The following UNC79 variants were observed in gnomAD, a reference collection of about 807,000 sequenced individuals.
The protein encoded by UNC79 is unc-79 subunit of NALCN channel complex.
Under a neutral mutation model 283.1 loss-of-function variants are expected in UNC79, and 37 were observed. That is an observed-to-expected ratio of 0.13 (90% confidence interval 0.10 to 0.17). UNC79 has a LOEUF of 0.17. UNC79 is among the 10% of genes least tolerant of loss of function. UNC79 has a pLI of 1.00. For synonymous variants in UNC79, 1,107 were observed against 1,200.2 expected (o/e 0.92, Z 1.61); for missense variants, 2,272 against 3,211.1 (o/e 0.71, Z 7.07).
chr14:93,439,782 T>C (rs1025246827), intron 1 of UNC79, among the ~76,000 whole-genome samples: 3 of 152,190 alleles, frequency 2.0e-5, no homozygotes, highest in Non-Finnish European at 4.4e-5. Context: ...TGTATGACAC[T>C]TGTTCTATTT....
intron 1 of UNC79, among the ~76,000 whole-genome samples, chr14:93,404,493 A>AAAAAAAAAAAAAAAAAATATATATATAT: frequency 4.9e-5 from 3 of 61,498 alleles, no homozygotes; most frequent in Admixed American, 2.4e-4. Context: ...TTCTAAAAAA[A>AAAAAAAAAAAAAAAAAATATATATATAT]ATATATATAT....
At chr14:93,698,512 G>T in intron 47 of UNC79, among the ~76,000 whole-genome samples, 1 of 94,748 alleles carries the variant, frequency 1.1e-5, no homozygotes, top group Non-Finnish European at 2.1e-5. Flanking sequence ...TTGAGATCAG[G>T]TCTTGCTCTG....
intron 1 of UNC79, among the ~76,000 whole-genome samples, chr14:93,452,788 C>T (rs2056686089): frequency 1.3e-5 from 2 of 152,118 alleles, no homozygotes; most frequent in African/African-American, 2.4e-5. Flanking sequence ...TGTTGTGAGG[C>T]TTAGAGAGTT....
intron 11 of UNC79, among the ~76,000 whole-genome samples, chr14:93,536,029 A>C (rs1465245326): frequency 6.6e-6 from 1 of 152,134 alleles, no homozygotes; most frequent in Non-Finnish European, 1.5e-5. Flanking sequence ...TCAGGTGTAG[A>C]TGAGGCTTTT....
chr14:93,548,185 G>T (rs1368328234), intron 14 of UNC79, among the ~76,000 whole-genome samples: 67 of 152,156 alleles, frequency 4.4e-4, no homozygotes, highest in Non-Finnish European at 2.9e-5. Flanking sequence ...CCAGATCAAG[G>T]CAGATTTAGT....
intron 1 of UNC79, among the ~76,000 whole-genome samples, chr14:93,452,939 A>C (rs372734018): frequency 6.6e-6 from 1 of 152,214 alleles, no homozygotes; most frequent in East Asian, 1.9e-4. Flanking sequence ...ATTTTGTTCA[A>C]GTTAAAGAAA....
At chr14:93,426,701 A>G (rs1020463524), upstream of UNC79, among the ~76,000 whole-genome samples, 2 of 152,026 alleles carry the variant, frequency 1.3e-5, no homozygotes, top group African/African-American at 4.8e-5. Context: ...GAGTTCTAAA[A>G]TTTCCAATGG....
chr14:93,575,167 G>A (rs2063401805), exon 17 of UNC79: 2 of 1,613,856 alleles, frequency 1.2e-6, no homozygotes, highest in African/African-American at 2.7e-5. Context: ...TCAAGAGTCA[G>A]TGAACTGGCA....
chr14:93,611,913 C>T (rs1359598504), intron 26 of UNC79, among the ~76,000 whole-genome samples: 3 of 151,818 alleles, frequency 2.0e-5, no homozygotes, highest in African/African-American at 7.3e-5. Context: ...AAATATCAGT[C>T]TTCCTTCTCC....
chr14:93,705,898 G>A (rs952376580), intron 48 of UNC79, among the ~76,000 whole-genome samples: 15 of 152,276 alleles, frequency 9.9e-5, no homozygotes, highest in South Asian at 6.2e-4. Context: ...AGAAAAATGC[G>A]GCTGTCAACA....
intron 40 of UNC79, among the ~76,000 whole-genome samples, chr14:93,671,925 GA>G (rs928478551): frequency 6.6e-6 from 1 of 151,860 alleles, no homozygotes; most frequent in Non-Finnish European, 1.5e-5. Context: ...ACAGGCATAT[GA>G]AAAAAAATGC....
chr14:93,611,646 C>T (rs543857820), intron 26 of UNC79, among the ~76,000 whole-genome samples: 10 of 152,012 alleles, frequency 6.6e-5, no homozygotes, highest in African/African-American at 1.2e-4. Context: ...AAATGACTGC[C>T]GAACTCTTTG....
At chr14:93,601,524 T>C (rs2065506997) in intron 25 of UNC79, among the ~76,000 whole-genome samples, 1 of 152,258 alleles carries the variant, frequency 6.6e-6, no homozygotes, top group Non-Finnish European at 1.5e-5. Context: ...TTTAGGCTGG[T>C]TCCATATTTT....
At chr14:93,599,177 A>C (rs2065307986) in intron 24 of UNC79, among the ~76,000 whole-genome samples, 1 of 152,210 alleles carries the variant, frequency 6.6e-6, no homozygotes, top group South Asian at 2.1e-4. Flanking sequence ...GCAGTGTGTT[A>C]AAAGTGTCCT....
At chr14:93,492,911 G>A (rs988766422) in intron 5 of UNC79, among the ~76,000 whole-genome samples, 2 of 152,206 alleles carry the variant, frequency 1.3e-5, no homozygotes, top group African/African-American at 4.8e-5. Context: ...TATCCACCAT[G>A]TACTGGGCAC....
At chr14:93,399,311 C>T (rs2055060431) in intron 1 of UNC79, among the ~76,000 whole-genome samples, 1 of 152,038 alleles carries the variant, frequency 6.6e-6, no homozygotes, top group Non-Finnish European at 1.5e-5. Context: ...CATGGGAACT[C>T]ATTTTGGTCA....
At chr14:93,528,737 A>AACTTTAGCAAT in intron 9 of UNC79, 91 bp downstream of exon 9, 3 of 1,225,864 alleles carry the variant, frequency 2.4e-6, no homozygotes, top group Non-Finnish European at 2.3e-6. Flanking sequence ...ACATTGCTAA[A>AACTTTAGCAAT]GTTTCTCTCT....
At chr14:93,667,785 A>G (rs774558318) in intron 40 of UNC79, among the ~76,000 whole-genome samples, 1 of 152,238 alleles carries the variant, frequency 6.6e-6, no homozygotes, top group East Asian at 1.9e-4. Context: ...TGAATGAATA[A>G]TAGCAAATCA....
At chr14:93,341,075 A>G (rs2053698247) in intron 1 of UNC79, among the ~76,000 whole-genome samples, 1 of 152,182 alleles carries the variant, frequency 6.6e-6, no homozygotes, top group East Asian at 1.9e-4. Flanking sequence ...CCAACTGCCA[A>G]TCTTTTCATG....
Sources: allele counts gnomAD v4.1 joint callset (sites outside exome capture counted in the v4.1 genomes callset), GRCh38; gene constraint gnomAD v4.1.1; transcripts MANE v1.5; gene names NCBI Gene and HGNC (gene_info 2026-07-23, HGNC 2026-07-21).